The following KAT6A variants were observed in gnomAD, a reference collection of about 807,000 sequenced individuals.
The protein encoded by KAT6A is histone acetyltransferase KAT6A.
KAT6A carries 9 observed loss-of-function variants against 198.4 expected under a neutral mutation model. The ratio of observed to expected loss-of-function variants is 0.05; its 90% CI spans 0.03 to 0.08. The LOEUF (loss-of-function observed/expected upper bound fraction) is 0.08. Ranked by LOEUF, KAT6A falls within the 10% of genes least tolerant of loss-of-function variation. The pLI, the probability that KAT6A is intolerant of heterozygous loss-of-function variation, is 1.00. For synonymous variants in KAT6A, 890 were observed against 883.0 expected, an observed-to-expected ratio of 1.01 and a Z score of -0.14; for missense variants, 2,077 against 2,509.9, an observed-to-expected ratio of 0.83 and a Z score of 3.69.
intron 8 of KAT6A, among the ~76,000 whole-genome samples, chr8:41,963,855 CTT>C (rs769272927): frequency 1.9e-4 from 29 of 152,228 alleles, no homozygotes; most frequent in Non-Finnish European, 2.6e-4. Flanking sequence ...AATATCATCT[CTT>C]GTTTGAACTC....
At chr8:42,003,348 T>C (rs576565862) in intron 2 of KAT6A, among the ~76,000 whole-genome samples, 1 of 152,184 alleles carries the variant, frequency 6.6e-6, no homozygotes, top group Non-Finnish European at 1.5e-5. Context: ...GGCCTCTCGC[T>C]CAAGTCTTTG....
chr8:41,942,777 C>T lies in KAT6A; in HGVS notation c.2436+16G>A. 1 of 1,611,110 alleles carries T rather than the reference C, an allele frequency of 6.2e-7. No homozygotes were observed. On this transcript the variant is annotated intron_variant, in intron 14 of 16. Transcript: ENST00000265713. ...TATCTTCTGTCATCAAAAATAGAGA[C>T]TATTCATGCCCTTACACTGATCTCT...
rs1167805914 is a variant in KAT6A, at chr8:41,930,682, ATGTGTGTGTGTGTG to A, written c.*1509_*1522del. 2.2e-5 allele frequency: 2 copies of A among 91,740 alleles called. No homozygotes were observed. Among genetic ancestry groups the A allele is most frequent in the East Asian group, 2.6e-4 (1 of 3,818 alleles). The allele number at this position is 91,740 out of a possible 1,614,324, so 5.7% of individuals were successfully genotyped here. On this transcript the variant is annotated 3_prime_UTR_variant, in exon 17 of 17. Transcript: ENST00000265713. ...AATGATGGAATATATATATATATATATGTGTGTGTGTGTGTGTGTGTGTGTGTGTATATATATAT... is the reference window on the plus strand; with the variant it reads ...AATGATGGAATATATATATATATATATGTGTGTGTGTGTGTATATATATAT...
intron 8 of KAT6A, among the ~76,000 whole-genome samples, chr8:41,964,314 T>C (rs1282987716): frequency 6.6e-6 from 1 of 152,126 alleles, no homozygotes; most frequent in Non-Finnish European, 1.5e-5. Context: ...AATATAGTAT[T>C]TTACATATAA....
chr8:41,974,772 CA>C lies in KAT6A; in HGVS notation c.1413del (p.Phe471LeufsTer7). The C allele has an allele frequency of 6.2e-7, 1 of 1,610,128 alleles. No individual in the cohort carries two copies. Among genetic ancestry groups the C allele is most frequent in the Non-Finnish European group, 8.5e-7 (1 of 1,178,054 alleles). ...DGKQENEERLFGSQEIMTEKD... is the reference protein window; with the variant it reads ...DGKQENEERLXGSQEIMTEKD... ...TTCTCAGTCATGATTTCCTGGCTCC[CA>C]AAAAGTCGCTCCTCATTTTCTTGTT... On this transcript the variant is annotated frameshift_variant, in exon 8 of 17. Transcript: ENST00000265713. LOFTEE classifies it high-confidence loss of function.
intron 2 of KAT6A, among the ~76,000 whole-genome samples, chr8:41,991,793 G>A (rs1229488730): frequency 3.9e-5 from 6 of 151,952 alleles, no homozygotes; most frequent in Admixed American, 2.0e-4. Context: ...ACGTGGAGGG[G>A]GCAGAAAAGG....
chr8:42,039,794 C>T (rs4737029), intron 2 of KAT6A, among the ~76,000 whole-genome samples: 43,935 of 151,762 alleles, frequency 0.29, 6,515 homozygotes, highest in Middle Eastern at 0.45. Flanking sequence ...AGTGCAGTAG[C>T]GCAATCTCGG....
intron 2 of KAT6A, among the ~76,000 whole-genome samples, chr8:42,016,114 G>A (rs1457576005): frequency 6.6e-6 from 1 of 152,188 alleles, no homozygotes; most frequent in East Asian, 1.9e-4. Context: ...GGGAAGGGAG[G>A]TTGTCCTCCC....
chr8:41,958,989 C>A (rs1001349774), intron 8 of KAT6A, among the ~76,000 whole-genome samples: 1 of 152,008 alleles, frequency 6.6e-6, no homozygotes, highest in Non-Finnish European at 1.5e-5. Context: ...GAAACCCCAT[C>A]TCTACTAAAA....
chr8:42,031,822 G>T (rs1827145411), intron 2 of KAT6A, among the ~76,000 whole-genome samples: 1 of 151,382 alleles, frequency 6.6e-6, no homozygotes, highest in South Asian at 2.1e-4. Flanking sequence ...GTAGAGATAG[G>T]GTTTTGTCAT....
chr8:41,964,627 G>GAAAAAAAAAAAAAAAAAAAAACAAAAAAA (rs61710510), intron 8 of KAT6A, among the ~76,000 whole-genome samples: 1 of 130,924 alleles, frequency 7.6e-6, no homozygotes. Context: ...TCCAAAATCT[G>GAAAAAAAAAAAAAAAAAAAAACAAAAAAA]AAAAAAAAAA....
At chr8:42,020,831 T>C (rs187631526) in intron 2 of KAT6A, among the ~76,000 whole-genome samples, 1 of 152,268 alleles carries the variant, frequency 6.6e-6, no homozygotes, top group Non-Finnish European at 1.5e-5. Context: ...AACACAGTGC[T>C]TAATTACATT....
intron 2 of KAT6A, among the ~76,000 whole-genome samples, chr8:42,026,051 T>C (rs1564073715): frequency 6.6e-6 from 1 of 152,242 alleles, no homozygotes; most frequent in Non-Finnish European, 1.5e-5. Flanking sequence ...CACCAGTGTA[T>C]GCTCTTGGCA....
rs780919930 is a variant in KAT6A, at chr8:41,934,100, C to T, written c.4120G>A (p.Glu1374Lys). ...KDKEETELDS[E>K]EEQPSHDTSV... Reference sequence around the variant, plus strand: ...GTGTCATGGGAAGGCTGCTCCTCTTCGGAATCCAGCTCGGTTTCCTCTTTA... The same window carrying T: ...GTGTCATGGGAAGGCTGCTCCTCTTTGGAATCCAGCTCGGTTTCCTCTTTA... Residue 1374 changes from glutamate to lysine, a missense_variant, in exon 17 of 17, where the codon GAA becomes AAA. Transcript: ENST00000265713. The T allele has an allele frequency of 6.2e-7, 1 of 1,614,138 alleles. No individual in the cohort carries two copies. Among genetic ancestry groups the T allele is most frequent in the South Asian group, 1.1e-5 (1 of 91,076 alleles).
chr8:41,932,803 G>A lies in KAT6A; in HGVS notation c.5417C>T (p.Ala1806Val), dbSNP rs375665086. The A allele has an allele frequency of 4.2e-5, 67 of 1,614,054 alleles. No individual in the cohort carries two copies. Among genetic ancestry groups the A allele is most frequent in the Non-Finnish European group, 5.3e-5 (63 of 1,180,018 alleles). Residue 1806 changes from alanine to valine, a missense_variant, in exon 17 of 17, where the codon GCA becomes GTA. By Grantham distance (64) the Ala-to-Val change is moderately conservative. Transcript: ENST00000265713. ...TGGGGGTGGCGTCATGGTGGCTTGT[G>A]CTTGAGGAGTCCCAGCTAAGGGATG... The part of the protein sequence containing the change: ...PSHPLAGTPQ[A>V]QATMTPPPNL...
At chr8:41,982,335 G>A (rs547159138) in intron 3 of KAT6A, among the ~76,000 whole-genome samples, 35 of 152,108 alleles carry the variant, frequency 2.3e-4, no homozygotes, top group African/African-American at 7.5e-4. Context: ...CAAAAAAGCT[G>A]TTTACACTGA....
chr8:41,995,255 G>A (rs562984025), intron 2 of KAT6A, among the ~76,000 whole-genome samples: 1 of 152,202 alleles, frequency 6.6e-6, no homozygotes, highest in Non-Finnish European at 1.5e-5. Context: ...GTACAGAAAT[G>A]CTCTATTGTT....
rs367937664 is a variant in KAT6A at position 41,938,767 on chromosome 8, G to A, written c.3040-1199C>T. ...TCAAGACCAGCCTGAGCAACATAGC[G>A]AAACCCTGTCTCTATCAAAAGTACA... On this transcript the variant is annotated intron_variant, in intron 15 of 16. Coordinates refer to ENST00000265713, the MANE Select transcript of KAT6A (RefSeq NM_006766.5). 6.8e-4 allele frequency among the ~76,000 whole-genome samples: 103 copies of A among 152,100 alleles called. 3 individuals are homozygous for A. The highest frequency in any genetic ancestry group is 2.3e-3 in the African/African-American group (96 of 41,482).
chr8:42,004,690 C>T (rs1272179059), intron 2 of KAT6A, among the ~76,000 whole-genome samples: 1 of 152,148 alleles, frequency 6.6e-6, no homozygotes, highest in Non-Finnish European at 1.5e-5. Context: ...CTTTGGGAGG[C>T]TGAGGCGAAC....
Sources: gnomAD v4.1 joint callset for allele counts (sites outside exome capture counted in the v4.1 genomes callset) on GRCh38, gnomAD v4.1.1 for gene constraint, MANE v1.5 for transcripts, NCBI Gene and HGNC (gene_info 2026-07-23, HGNC 2026-07-21) for gene names.